The following ELF1 variants were observed in gnomAD, a reference collection of about 807,000 sequenced individuals.
The protein encoded by ELF1 is ETS-related transcription factor Elf-1.
In ELF1, 24 loss-of-function variants were observed where a neutral mutation model predicts 59.9. That is an observed-to-expected ratio of 0.40 (90% CI 0.29 to 0.56). The LOEUF (loss-of-function observed/expected upper bound fraction) is 0.56. Among genes scored for constraint, ELF1 ranks in the 20% least tolerant of loss-of-function variants. The pLI, the probability that ELF1 is intolerant of heterozygous loss-of-function variation, is 0.44. For synonymous variants in ELF1, 248 were observed against 266.2 expected (o/e 0.93, Z 0.67); for missense variants, 627 against 742.2 (o/e 0.84, Z 1.80).
At chr13:40,935,676 T>A (rs1337319228) in intron 8 of ELF1, among the ~76,000 whole-genome samples, 5 of 35,468 alleles carry the variant, frequency 1.4e-4, no homozygotes, top group South Asian at 1.3e-3. Flanking sequence ...CCAGATACCA[T>A]TTTTTTTTTT....
rs1343620105 is a variant in ELF1 at position 40,977,376 on chromosome 13, GCAA to G, written c.72+4604_72+4606del. 2.0e-5 allele frequency among the ~76,000 whole-genome samples: 3 copies of G among 152,042 alleles called. No individual in the cohort carries two copies. The East Asian group carries it at 5.8e-4, about 29-fold the overall frequency. ...AAATATTCCCAGTTTAGAACAGACA[GCAA>G]CAACAGAGTTTTAAATTGTCAGCAT... On this transcript the variant is annotated intron_variant, in intron 2 of 8. Transcript: ENST00000239882.
At chr13:41,022,833 T>G (rs1307274464), upstream of ELF1, among the ~76,000 whole-genome samples, 2 of 152,124 alleles carry the variant, frequency 1.3e-5, no homozygotes, top group Non-Finnish European at 2.9e-5. Context: ...GAGCCGAGGT[T>G]GCACCACTGC....
chr13:40,977,083 G>T (rs1872957516), intron 2 of ELF1, among the ~76,000 whole-genome samples: 1 of 151,848 alleles, frequency 6.6e-6, no homozygotes, highest in Admixed American at 6.6e-5. Context: ...AAAATACAGT[G>T]TTTTTTTCAT....
At chr13:40,993,432 G>A in intron 1 of ELF1, 1 of 641,640 alleles carries the variant, frequency 1.6e-6, no homozygotes, top group Non-Finnish European at 2.8e-6. Context: ...CTCTAGCGGA[G>A]CCCGTTTGCT....
chr13:40,993,232 C>T, intron 1 of ELF1: 5 of 1,574,514 alleles, frequency 3.2e-6, no homozygotes, highest in Non-Finnish European at 4.4e-6. Context: ...GCTGCAACAA[C>T]AGCACCAACA....
intron 1 of ELF1, among the ~76,000 whole-genome samples, chr13:40,999,591 G>A (rs530666814): frequency 6.6e-6 from 1 of 152,154 alleles, no homozygotes; most frequent in Non-Finnish European, 1.5e-5. Context: ...ATAGATGGTG[G>A]TCGATGACTA....
chr13:41,057,992 G>T (rs1329214626), intron 1 of ELF1, among the ~76,000 whole-genome samples: 1 of 152,138 alleles, frequency 6.6e-6, no homozygotes, highest in Non-Finnish European at 1.5e-5. Flanking sequence ...TTAACTGATT[G>T]CTTTTCTCCA....
chr13:41,053,744 CA>C (rs1236504811), intron 1 of ELF1, among the ~76,000 whole-genome samples: 6 of 152,182 alleles, frequency 3.9e-5, no homozygotes, highest in African/African-American at 1.2e-4. Context: ...TTGCAGTGAG[CA>C]AATAAGTATT....
intron 1 of ELF1, among the ~76,000 whole-genome samples, chr13:41,050,967 AC>A (rs1877064841): frequency 6.6e-6 from 1 of 152,086 alleles, no homozygotes. Flanking sequence ...CCTTGCCAAT[AC>A]CTGTTATATT....
rs759765641 is a variant in ELF1 at position 41,012,207 on chromosome 13, G to A, written c.-229+7021C>T. 4.2e-4 allele frequency among the ~76,000 whole-genome samples: 63 copies of A among 150,808 alleles called. 1 individual carries two copies. The highest frequency in any genetic ancestry group is 1.5e-3 in the South Asian group (7 of 4,784). ...GGGCACCTGTAATCTCAGCTACTTC[G>A]GAGGCCGAGGCAGCAGAATCACTTG... On this transcript the variant is annotated intron_variant, in intron 1 of 8. Coordinates refer to ENST00000239882, the MANE Select transcript of ELF1 (RefSeq NM_172373.4).
intron 8 of ELF1, among the ~76,000 whole-genome samples, chr13:40,936,983 G>A (rs911271597): frequency 6.6e-6 from 1 of 152,058 alleles, no homozygotes; most frequent in African/African-American, 2.4e-5. Context: ...TGAGACACCT[G>A]ACTGCCATCT....
rs150213941 is a variant in ELF1, at chr13:41,011,778, G to T, written c.-229+7450C>A. The stretch of plus-strand genomic sequence containing the variant: ...ACTGATGCAGAGTTTTCATTTTTTT[G>T]AAATAGGAGGGTCTCACTATGTTGC... On this transcript the variant is annotated intron_variant, in intron 1 of 8. Transcript: ENST00000239882. Among the ~76,000 whole-genome samples the T allele has an allele frequency of 7.9e-5, 12 of 151,504 alleles. No individual in the cohort carries two copies. In the East Asian group the frequency reaches 2.1e-3, roughly 27 times the overall value.
intron 1 of ELF1, among the ~76,000 whole-genome samples, chr13:41,034,481 T>A (rs1876293842): frequency 6.6e-6 from 1 of 152,102 alleles, no homozygotes. Flanking sequence ...AAATAAGTTT[T>A]AAAAAAATGC....
chr13:40,982,996 CT>C, intron 1 of ELF1: 1 of 345,246 alleles, frequency 2.9e-6, no homozygotes, highest in Non-Finnish European at 4.1e-6. Context: ...AAGAACTGCA[CT>C]TTACAATAGT....
chr13:40,943,758 A>G, intron 6 of ELF1, 84 bp downstream of exon 6: 1 of 1,177,370 alleles, frequency 8.5e-7, no homozygotes, highest in Non-Finnish European at 1.2e-6. Flanking sequence ...TATATCAAGA[A>G]AGCTGGTGGT....
intron 1 of ELF1, among the ~76,000 whole-genome samples, chr13:41,039,768 GGTGT>G (rs1275241346): frequency 6.6e-6 from 1 of 152,054 alleles, no homozygotes; most frequent in Admixed American, 6.5e-5. Flanking sequence ...TTAGGTAGTG[GGTGT>G]ATGAGTACTC....
At chr13:41,010,904 A>T (rs1006799506) in intron 1 of ELF1, among the ~76,000 whole-genome samples, 1 of 152,188 alleles carries the variant, frequency 6.6e-6, no homozygotes, top group Non-Finnish European at 1.5e-5. Context: ...CCAAGGGATG[A>T]TGAAAGTAAA....
At chr13:41,043,561 A>C (rs2138423839) in intron 1 of ELF1, among the ~76,000 whole-genome samples, 1 of 152,332 alleles carries the variant, frequency 6.6e-6, no homozygotes, top group Non-Finnish European at 1.5e-5. Context: ...TAAATAGGGA[A>C]TCCTTTCCCC....
intron 8 of ELF1, among the ~76,000 whole-genome samples, chr13:40,938,881 G>A (rs1203983064): frequency 6.6e-6 from 1 of 152,070 alleles, no homozygotes; most frequent in African/African-American, 2.4e-5. Context: ...AATGCAAAAT[G>A]CTATCAATTT....
Sources: gnomAD v4.1 joint callset for allele counts (sites outside exome capture counted in the v4.1 genomes callset) on GRCh38, gnomAD v4.1.1 for gene constraint, MANE v1.5 for transcripts, NCBI Gene and HGNC (gene_info 2026-07-23, HGNC 2026-07-21) for gene names.